NEK10: variants seen among roughly 807,000 people sequenced by gnomAD.
The protein encoded by NEK10 is NIMA related kinase 10.
Under a neutral mutation model 159.8 loss-of-function variants are expected in NEK10, and 122 were observed. That is an observed-to-expected ratio of 0.76 (90% CI 0.66 to 0.89). NEK10 has a LOEUF of 0.89. Ranked by LOEUF, NEK10 falls within the 40% of genes least tolerant of loss-of-function variation. The probability of loss-of-function intolerance (pLI) is 0.00; values close to 1 mark genes in which losing one functional copy is unlikely to be tolerated. For synonymous variants in NEK10, 466 were observed against 457.1 expected (o/e 1.02, Z -0.25); for missense variants, 1,342 against 1,323.1 (o/e 1.01, Z -0.22).
In NEK10 at chr3:27,291,290, C is replaced by G; in HGVS notation, c.1577G>C (p.Gly526Ala). ...IGNYAILDHL[G>A]SGAFGCVYKV... ...GTAAACACAGCCAAAAGCTCCACTT[C>G]CAAGATGATCCAAAATTGCATAGTT... is the stretch of plus-strand genomic sequence containing the variant. Residue 526 changes from glycine to alanine, a missense_variant, in exon 18 of 36, where the codon GGA (glycine) becomes GCA (alanine). By Grantham distance (60) the Gly-to-Ala change is moderately conservative. Transcript: ENST00000691995. 6.2e-7 allele frequency: 1 copy of G among 1,613,756 alleles called. No homozygotes were observed. Among genetic ancestry groups the G allele is most frequent in the Non-Finnish European group, 8.5e-7 (1 of 1,179,806 alleles).
chr3:27,241,030 G>A (rs1467918366), intron 23 of NEK10, among the ~76,000 whole-genome samples: 1 of 152,086 alleles, frequency 6.6e-6, no homozygotes, highest in Non-Finnish European at 1.5e-5. Flanking sequence ...GGTACAGGGA[G>A]TAGCACCCCA....
intron 23 of NEK10, among the ~76,000 whole-genome samples, chr3:27,217,845 T>G (rs1347000120): frequency 3.3e-5 from 5 of 152,196 alleles, no homozygotes; most frequent in African/African-American, 4.8e-5. Flanking sequence ...AGTGGATGCC[T>G]GAAACCAAAG....
At chr3:27,139,260 T>C (rs1340634492) in intron 31 of NEK10, among the ~76,000 whole-genome samples, 1 of 152,166 alleles carries the variant, frequency 6.6e-6, no homozygotes, top group African/African-American at 2.4e-5. Flanking sequence ...CTCTGAGCCT[T>C]CATAGCAATT....
At chr3:27,135,231 G>T (rs1423336558) in intron 31 of NEK10, among the ~76,000 whole-genome samples, 3 of 152,038 alleles carry the variant, frequency 2.0e-5, no homozygotes, top group African/African-American at 7.3e-5. Flanking sequence ...GACCAGCCTT[G>T]GGCAACATGG....
At chr3:27,143,214 G>T (rs1943955562) in intron 30 of NEK10, among the ~76,000 whole-genome samples, 1 of 152,156 alleles carries the variant, frequency 6.6e-6, no homozygotes, top group Non-Finnish European at 1.5e-5. Flanking sequence ...ACTAGACAGT[G>T]TGTAACATGA....
chr3:27,330,356 T>C (rs577237206), intron 5 of NEK10, among the ~76,000 whole-genome samples: 1 of 152,146 alleles, frequency 6.6e-6, no homozygotes, highest in Non-Finnish European at 1.5e-5. Context: ...AAGCTTTGAG[T>C]AAAAGAGAGA....
At chr3:27,223,074 T>C (rs1952279272) in intron 23 of NEK10, among the ~76,000 whole-genome samples, 1 of 152,152 alleles carries the variant, frequency 6.6e-6, no homozygotes, top group South Asian at 2.1e-4. Flanking sequence ...AATTCAACAG[T>C]TTCCAATGAT....
chr3:27,310,894 A>T, intron 9 of NEK10, 55 bp downstream of exon 9: 1 of 1,091,560 alleles, frequency 9.2e-7, no homozygotes. Flanking sequence ...AACTTCCCTA[A>T]TGTGAACTAT....
chr3:27,301,764 T>C lies in NEK10; in HGVS notation c.1100A>G (p.Gln367Arg). Residue 367 changes from glutamine to arginine, a missense_variant, in exon 13 of 36, where the codon CAG (glutamine) becomes CGG (arginine). Transcript: ENST00000691995. ...CAAGTCTTCTGATAAATGAAGCTGCTGGATTCGGCCTGCAGCATTTGCACT... is the reference window on the plus strand; with the variant it reads ...CAAGTCTTCTGATAAATGAAGCTGCCGGATTCGGCCTGCAGCATTTGCACT... Reference protein sequence around the residue: ...LSSANAAGRIQQLHLSEDLSP... With the variant: ...LSSANAAGRIRQLHLSEDLSP... 6.4e-7 allele frequency: 1 copy of C among 1,566,288 alleles called. No homozygotes were observed. Among genetic ancestry groups the C allele is most frequent in the Non-Finnish European group, 8.7e-7 (1 of 1,152,988 alleles).
At chr3:27,347,442 C>T (rs1487919779) in intron 3 of NEK10, among the ~76,000 whole-genome samples, 6 of 124,006 alleles carry the variant, frequency 4.8e-5, no homozygotes, top group African/African-American at 1.3e-4. Context: ...GCAGAGGTTG[C>T]GATAAGCCAA....
chr3:27,225,222 C>A (rs1340529938), intron 23 of NEK10, among the ~76,000 whole-genome samples: 1 of 151,992 alleles, frequency 6.6e-6, no homozygotes, highest in Non-Finnish European at 1.5e-5. Flanking sequence ...CACTTTTCTG[C>A]CTGCTTATAT....
At chr3:27,362,165 CAGGGGGGTGA>C in intron 1 of NEK10, among the ~76,000 whole-genome samples, 1 of 152,180 alleles carries the variant, frequency 6.6e-6, no homozygotes, top group East Asian at 1.9e-4. Flanking sequence ...GAAGGATGGG[CAGGGGGGTGA>C]ACAACGGGCC....
intron 23 of NEK10, among the ~76,000 whole-genome samples, chr3:27,248,736 CT>C (rs1252195014): frequency 1.3e-5 from 2 of 151,968 alleles, no homozygotes; most frequent in East Asian, 3.9e-4. Flanking sequence ...ATTATTTCAA[CT>C]TTTTTTTAAA....
At chr3:27,260,625 T>C (rs143331765) in intron 22 of NEK10, among the ~76,000 whole-genome samples, 4,337 of 152,298 alleles carry the variant, frequency 0.028, 76 homozygotes, top group African/African-American at 0.031. Context: ...GGTTTGCCAG[T>C]ATTTTATTGA....
intron 23 of NEK10, among the ~76,000 whole-genome samples, chr3:27,233,388 A>T (rs571848115): frequency 3.9e-5 from 6 of 152,094 alleles, no homozygotes; most frequent in East Asian, 1.9e-4. Flanking sequence ...ACGTTTTTTT[A>T]AAAAATCCAA....
chr3:27,129,591 T>A (rs1174256491), intron 32 of NEK10, among the ~76,000 whole-genome samples: 1 of 152,148 alleles, frequency 6.6e-6, no homozygotes. Context: ...AAGTTACATA[T>A]ATGAATATAT....
chr3:27,343,469 C>A (rs77403846), intron 5 of NEK10, among the ~76,000 whole-genome samples: 148 of 152,250 alleles, frequency 9.7e-4, no homozygotes, highest in African/African-American at 3.5e-3. Flanking sequence ...ATATCTCAAT[C>A]AAATCACAAC....
At chr3:27,314,208 G>A (rs1004844389) in intron 7 of NEK10, 89 bp downstream of exon 7, 4 of 907,492 alleles carry the variant, frequency 4.4e-6, no homozygotes, top group Non-Finnish European at 3.6e-6. Context: ...ACATAGGAAA[G>A]CCACCTTCTG....
chr3:27,364,548 T>G (rs552583428), intron 1 of NEK10, among the ~76,000 whole-genome samples: 1 of 152,300 alleles, frequency 6.6e-6, no homozygotes, highest in East Asian at 1.9e-4. Flanking sequence ...TTTAAATCAT[T>G]TGTCTATATT....
Sources: allele counts gnomAD v4.1 joint callset (sites outside exome capture counted in the v4.1 genomes callset), GRCh38; gene constraint gnomAD v4.1.1; transcripts MANE v1.5; gene names NCBI Gene and HGNC (gene_info 2026-07-23, HGNC 2026-07-21).